The following CDH20 variants were observed in gnomAD, a reference collection of about 807,000 sequenced individuals.
CDH20 encodes the protein cadherin-20.
Under a neutral mutation model 74.2 loss-of-function variants are expected in CDH20, and 29 were observed. The ratio of observed to expected loss-of-function variants is 0.39; its 90% CI spans 0.29 to 0.53. The LOEUF (loss-of-function observed/expected upper bound fraction) is 0.53, where lower values mean the gene tolerates loss of function less well. CDH20 is among the 20% of genes least tolerant of loss of function. CDH20 has a pLI of 0.69. For missense variants in CDH20, 988 were observed against 1,048.3 expected, an observed-to-expected ratio of 0.94 and a Z score of 0.79; for synonymous variants, 469 against 405.4, an observed-to-expected ratio of 1.16 and a Z score of -1.88.
At chr18:61,524,083 A>C (rs1912304033) in intron 6 of CDH20, among the ~76,000 whole-genome samples, 1 of 151,996 alleles carries the variant, frequency 6.6e-6, no homozygotes, top group Non-Finnish European at 1.5e-5. Flanking sequence ...AATAAAGGAC[A>C]CTGTTAAGAG....
At chr18:61,495,913 C>G (rs572719462) in intron 2 of CDH20, among the ~76,000 whole-genome samples, 1 of 152,170 alleles carries the variant, frequency 6.6e-6, no homozygotes, top group African/African-American at 2.4e-5. Context: ...GTAAGTAGAT[C>G]CTGACATGCT....
At chr18:61,548,452 G>A (rs1913325993) in intron 10 of CDH20, among the ~76,000 whole-genome samples, 2 of 152,190 alleles carry the variant, frequency 1.3e-5, no homozygotes, top group South Asian at 4.1e-4. Context: ...TCCAAATTGT[G>A]AAGATTGAGT....
chr18:61,423,782 T>C (rs780313217), intron 1 of CDH20, among the ~76,000 whole-genome samples: 6 of 152,200 alleles, frequency 3.9e-5, no homozygotes, highest in Non-Finnish European at 8.8e-5. Flanking sequence ...CAATATAAGC[T>C]GTCCATATTT....
rs571275257 is a variant in CDH20 at position 61,450,141 on chromosome 18, C to T, written c.-152-40261C>T. ...ATTCAATACCAGGCACATTATTTTA[C>T]TCCATTTAATACAATAACCCTATTA... On this transcript the variant is annotated intron_variant, in intron 1 of 11. Coordinates refer to ENST00000262717, the MANE Select transcript of CDH20 (RefSeq NM_031891.4). Among the ~76,000 whole-genome samples, 5 of 152,134 alleles carry T rather than the reference C, an allele frequency of 3.3e-5. No homozygotes were observed. In the East Asian group the frequency reaches 9.6e-4, roughly 29 times the overall value.
chr18:61,425,334 A>C (rs1017351392), intron 1 of CDH20, among the ~76,000 whole-genome samples: 1 of 152,218 alleles, frequency 6.6e-6, no homozygotes, highest in Non-Finnish European at 1.5e-5. Flanking sequence ...TCACTGACCC[A>C]TAGAAAAGAA....
At position 61,538,596 on chromosome 18, in the gene CDH20, GTT is replaced by G. The variant is rs533711893; in HGVS notation, c.1409-424_1409-423del. Among the ~76,000 whole-genome samples the G allele has an allele frequency of 2.0e-3, 50 of 24,534 alleles. 8 individuals are homozygous for G. In the East Asian group the frequency reaches 0.035, roughly 17 times the overall value. 16.1% of individuals were successfully genotyped at this position (24,534 alleles called of 152,430 possible). On this transcript the variant is annotated intron_variant, in intron 8 of 11. Coordinates refer to ENST00000262717, the MANE Select transcript of CDH20 (RefSeq NM_031891.4). ...ATAACTACTTTTTGTTTGTTTGTTTGTTTTTGTTTTTGTTTTTGTTTTTGTTT... is the reference window on the plus strand; with the variant it reads ...ATAACTACTTTTTGTTTGTTTGTTTGTTTGTTTTTGTTTTTGTTTTTGTTT...
chr18:61,391,408 T>C (rs564588872), intron 1 of CDH20, among the ~76,000 whole-genome samples: 1 of 152,176 alleles, frequency 6.6e-6, no homozygotes, highest in Admixed American at 6.5e-5. Context: ...TGGCAACTAA[T>C]ATAAAATATC....
At chr18:61,352,423 A>G (rs1910335109) in intron 1 of CDH20, among the ~76,000 whole-genome samples, 2 of 152,220 alleles carry the variant, frequency 1.3e-5, no homozygotes, top group Non-Finnish European at 2.9e-5. Flanking sequence ...ATTTATGATA[A>G]TAAAGAAATG....
chr18:61,486,783 A>T (rs1463783074), intron 1 of CDH20, among the ~76,000 whole-genome samples: 2 of 152,212 alleles, frequency 1.3e-5, no homozygotes, highest in Non-Finnish European at 2.9e-5. Context: ...CCATCTTCTT[A>T]AACAAAGTCA....
intron 1 of CDH20, among the ~76,000 whole-genome samples, chr18:61,366,690 T>C (rs924865573): frequency 4.6e-5 from 7 of 152,144 alleles, no homozygotes; most frequent in Non-Finnish European, 1.0e-4. Context: ...TAGAAAAATT[T>C]GAATGCTACT....
At chr18:61,363,893 G>A (rs1013528707) in intron 1 of CDH20, among the ~76,000 whole-genome samples, 8 of 152,020 alleles carry the variant, frequency 5.3e-5, no homozygotes, top group Admixed American at 3.3e-4. Flanking sequence ...ATCCTCCCCC[G>A]GGTGAATTTT....
Position 61,441,935 on chromosome 18 carries a change from G to A in CDH20, c.-152-48467G>A, listed in dbSNP as rs147547451. On this transcript the variant is annotated intron_variant, in intron 1 of 11. Transcript: ENST00000262717. ...ACCCGCATGTCTTGCTAAAAATCCT[G>A]AATCAGTTGGCTTTAGATTGAGGAA... Among the ~76,000 whole-genome samples, 109 of 152,186 alleles carry A rather than the reference G, an allele frequency of 7.2e-4. 1 individual carries two copies. The highest frequency in any genetic ancestry group is 2.9e-5 in the Non-Finnish European group (2 of 68,010).
At chr18:61,519,404 C>T (rs1279021229) in intron 6 of CDH20, among the ~76,000 whole-genome samples, 2 of 151,324 alleles carry the variant, frequency 1.3e-5, no homozygotes, top group African/African-American at 2.5e-5. Flanking sequence ...GGAAGCCCAT[C>T]AGACTAACAG....
At chr18:61,405,989 C>T (rs1676609426) in intron 1 of CDH20, among the ~76,000 whole-genome samples, 1 of 152,200 alleles carries the variant, frequency 6.6e-6, no homozygotes, top group South Asian at 2.1e-4. Context: ...TCCACTTCCT[C>T]CTTCTTGGCA....
intron 1 of CDH20, among the ~76,000 whole-genome samples, chr18:61,377,540 C>T (rs1477517282): frequency 1.3e-5 from 2 of 151,534 alleles, no homozygotes; most frequent in East Asian, 2.0e-4. Flanking sequence ...TTTTACTTGG[C>T]CGCATTGTTA....
intron 1 of CDH20, among the ~76,000 whole-genome samples, chr18:61,347,730 G>C (rs1910177961): frequency 6.6e-6 from 1 of 152,110 alleles, no homozygotes; most frequent in African/African-American, 2.4e-5. Flanking sequence ...AATTTACCTT[G>C]GAACAGCCTC....
intron 8 of CDH20, among the ~76,000 whole-genome samples, chr18:61,538,578 C>CTTTGTTTTTTTTTTTTTTTTTTTT (rs1555684264): frequency 1.7e-4 from 6 of 34,990 alleles, no homozygotes; most frequent in Non-Finnish European, 3.8e-4. Flanking sequence ...TAAATAACTA[C>CTTTGTTTTTTTTTTTTTTTTTTTT]TTTTTGTTTG....
chr18:61,536,932 C>A (rs1912835944), intron 8 of CDH20, among the ~76,000 whole-genome samples: 1 of 152,080 alleles, frequency 6.6e-6, no homozygotes, highest in Non-Finnish European at 1.5e-5. Context: ...GGCTTTCAAT[C>A]TTTAATATGA....
intron 1 of CDH20, among the ~76,000 whole-genome samples, chr18:61,440,402 T>A (rs1908988994): frequency 6.6e-6 from 1 of 152,122 alleles, no homozygotes; most frequent in Non-Finnish European, 1.5e-5. Context: ...GGAAAAGAAA[T>A]AGTAAAAACT....
Sources: allele counts gnomAD v4.1 joint callset (sites outside exome capture counted in the v4.1 genomes callset), GRCh38; gene constraint gnomAD v4.1.1; transcripts MANE v1.5; gene names NCBI Gene and HGNC (gene_info 2026-07-23, HGNC 2026-07-21).